The following PRKN variants were observed in gnomAD, a reference collection of about 807,000 sequenced individuals.
PRKN encodes the protein E3 ubiquitin-protein ligase parkin.
Under a neutral mutation model 59.5 loss-of-function variants are expected in PRKN, and 56 were observed. The observed-to-expected ratio is 0.94, with a 90% CI of 0.76 to 1.18. The LOEUF is 1.18. PRKN is among the 50% of genes most tolerant of loss of function. PRKN has a pLI of 0.00. For synonymous variants in PRKN, 250 were observed against 222.1 expected (o/e 1.13, Z -1.12); for missense variants, 657 against 596.4 (o/e 1.10, Z -1.06).
chr6:162,129,285 T>G (rs1781247130), intron 4 of PRKN, among the ~76,000 whole-genome samples: 1 of 152,236 alleles, frequency 6.6e-6, no homozygotes, highest in African/African-American at 2.4e-5. Context: ...CTACAAATTC[T>G]GGGAAATATT....
At chr6:162,273,862 T>C (rs1277915613) in intron 2 of PRKN, among the ~76,000 whole-genome samples, 1 of 152,166 alleles carries the variant, frequency 6.6e-6, no homozygotes, top group East Asian at 1.9e-4. Context: ...ATAAATGATA[T>C]TATCAATATC....
Position 161,445,638 on chromosome 6 carries a change from C to T in PRKN, c.1084-58761G>A, listed in dbSNP as rs1789447882. On this transcript the variant is annotated intron_variant, in intron 9 of 11. Coordinates refer to ENST00000366898, the MANE Select transcript of PRKN (RefSeq NM_004562.3). The surrounding 1 kb of genome is among the most constrained non-coding windows in gnomAD (Gnocchi z 7.7). Reference sequence around the variant, plus strand: ...CACCCGTGCTGCAGCTGAATGGGATCGGTGCAGCATGATAGAGGCCAGCTG... The same window carrying T: ...CACCCGTGCTGCAGCTGAATGGGATTGGTGCAGCATGATAGAGGCCAGCTG... 6.6e-6 allele frequency among the ~76,000 whole-genome samples: 1 copy of T among 152,172 alleles called. No individual in the cohort carries two copies. Among genetic ancestry groups the T allele is most frequent in the African/African-American group, 2.4e-5 (1 of 41,436 alleles).
intron 7 of PRKN, among the ~76,000 whole-genome samples, chr6:161,666,531 A>C (rs912088403): frequency 1.5e-4 from 23 of 152,280 alleles, no homozygotes; most frequent in African/African-American, 5.5e-4. Flanking sequence ...GGTTCTTCCA[A>C]CACTCACACA....
At chr6:162,525,795 C>T (rs1441673680) in intron 1 of PRKN, among the ~76,000 whole-genome samples, 1 of 152,156 alleles carries the variant, frequency 6.6e-6, no homozygotes, top group Non-Finnish European at 1.5e-5. Flanking sequence ...AATGAGATGT[C>T]ATCGGTTAAA....
At chr6:161,974,518 A>C (rs966186966) in intron 5 of PRKN, among the ~76,000 whole-genome samples, 1 of 151,488 alleles carries the variant, frequency 6.6e-6, no homozygotes, top group Non-Finnish European at 1.5e-5. Context: ...TTTTTTCTTC[A>C]CTTTTTTCTG....
chr6:161,796,519 G>A (rs3016552), intron 6 of PRKN, among the ~76,000 whole-genome samples: 142,527 of 152,278 alleles, frequency 0.94, 66,735 homozygotes, highest in East Asian at 0.95. Flanking sequence ...TAATTGTTGC[G>A]TGTAAAAAGA....
At chr6:161,874,180 T>C (rs796938927) in intron 6 of PRKN, among the ~76,000 whole-genome samples, 1 of 35,118 alleles carries the variant, frequency 2.8e-5, no homozygotes, top group Admixed American at 5.0e-4. Context: ...TAATATATAT[T>C]ATATATAATA....
intron 5 of PRKN, among the ~76,000 whole-genome samples, chr6:161,988,812 T>G (rs994952696): frequency 2.6e-5 from 4 of 152,194 alleles, no homozygotes; most frequent in Non-Finnish European, 4.4e-5. Flanking sequence ...ATAATACCAG[T>G]ACTACAGAGC....
chr6:162,560,860 A>AAAAAAAAAAAAAC (rs1367849741), intron 1 of PRKN, among the ~76,000 whole-genome samples: 1 of 150,460 alleles, frequency 6.6e-6, no homozygotes, highest in Non-Finnish European at 1.5e-5. Flanking sequence ...AGGCAAAAAA[A>AAAAAAAAAAAAAC]AAAAAAACCC....
intron 3 of PRKN, among the ~76,000 whole-genome samples, chr6:162,207,983 C>T (rs1371096667): frequency 3.3e-5 from 5 of 152,084 alleles, no homozygotes; most frequent in Non-Finnish European, 7.4e-5. Context: ...ACCAGACACC[C>T]TTTAAATTGT....
In PRKN at chr6:162,346,751, A is replaced by C. The variant is rs150908682; in HGVS notation, c.172-83986T>G. Among the ~76,000 whole-genome samples, 387 of 152,246 alleles carry C rather than the reference A, an allele frequency of 2.5e-3. 1 individual carries two copies. The highest frequency in any genetic ancestry group is 8.8e-3 in the African/African-American group (367 of 41,548). On this transcript the variant is annotated intron_variant, in intron 2 of 11. Transcript: ENST00000366898. ...TCTACTGAGATCATGTAATTGTTTT[A>C]ATCTGTCAATATGGTAAATTACATT...
chr6:162,205,553 T>A (rs569671859), intron 3 of PRKN, among the ~76,000 whole-genome samples: 1 of 152,250 alleles, frequency 6.6e-6, no homozygotes, highest in South Asian at 2.1e-4. Flanking sequence ...AACATATTTC[T>A]TACCTTGGTA....
intron 1 of PRKN, among the ~76,000 whole-genome samples, chr6:162,482,495 T>C (rs1420293382): frequency 6.6e-6 from 1 of 152,140 alleles, no homozygotes; most frequent in Non-Finnish European, 1.5e-5. Flanking sequence ...ACTGTGTGAC[T>C]GAGAGTGCAT....
chr6:161,876,661 A>C (rs935665353), intron 6 of PRKN, among the ~76,000 whole-genome samples: 1 of 152,128 alleles, frequency 6.6e-6, no homozygotes, highest in African/African-American at 2.4e-5. Context: ...TCCAAGATTA[A>C]TATATCCCTA....
At chr6:161,984,827 C>T (rs1781376746) in intron 5 of PRKN, among the ~76,000 whole-genome samples, 1 of 152,130 alleles carries the variant, frequency 6.6e-6, no homozygotes, top group Admixed American at 6.5e-5. Flanking sequence ...CGCTTTAGAA[C>T]TATGGGACAG....
At chr6:162,622,908 A>C (rs1247880324) in intron 1 of PRKN, among the ~76,000 whole-genome samples, 2 of 152,184 alleles carry the variant, frequency 1.3e-5, no homozygotes, top group Non-Finnish European at 2.9e-5. Flanking sequence ...ATGCTTTATG[A>C]ACCGCCCTCC....
intron 1 of PRKN, among the ~76,000 whole-genome samples, chr6:162,567,005 A>G (rs980887654): frequency 6.6e-6 from 1 of 152,230 alleles, no homozygotes; most frequent in African/African-American, 2.4e-5. Context: ...AATGAAAGAT[A>G]AAAATCATAT....
At chr6:161,437,230 T>A (rs771349011) in intron 9 of PRKN, among the ~76,000 whole-genome samples, 1 of 152,126 alleles carries the variant, frequency 6.6e-6, no homozygotes, top group Admixed American at 6.5e-5. Flanking sequence ...AAATATCTCA[T>A]TGTCCTGCGC....
In PRKN at chr6:162,472,507, G is replaced by A. The variant is rs1311305632; in HGVS notation, c.8-29034C>T. Among the ~76,000 whole-genome samples, 40 of 102,288 alleles carry A rather than the reference G, an allele frequency of 3.9e-4. 6 individuals are homozygous for A. Among genetic ancestry groups the A allele is most frequent in the African/African-American group, 1.4e-3 (39 of 28,824 alleles). 67.1% of individuals were successfully genotyped at this position (102,288 alleles called of 152,430 possible). On this transcript the variant is annotated intron_variant, in intron 1 of 11. Transcript: ENST00000366898. ...ATTTTATTTTATTTTTTGAGACGGAGTCTCGCTCTGTCGCCCAGGCCAGAC... is the reference window on the plus strand; with the variant it reads ...ATTTTATTTTATTTTTTGAGACGGAATCTCGCTCTGTCGCCCAGGCCAGAC...
Sources: allele counts gnomAD v4.1 joint callset (sites outside exome capture counted in the v4.1 genomes callset), GRCh38; gene constraint gnomAD v4.1.1; non-coding constraint Gnocchi (gnomAD v3.1); transcripts MANE v1.5; gene names NCBI Gene and HGNC (gene_info 2026-07-23, HGNC 2026-07-21).